Variants in KCNIP4 observed in about 807,000 individuals in gnomAD.
KCNIP4 encodes the protein Kv channel-interacting protein 4.
Under a neutral mutation model 34.0 loss-of-function variants are expected in KCNIP4, and 12 were observed. That is an observed-to-expected ratio of 0.35 (90% CI 0.23 to 0.57). The LOEUF (loss-of-function observed/expected upper bound fraction) is 0.57, where lower values mean the gene tolerates loss of function less well. KCNIP4 is among the 20% of genes least tolerant of loss of function. The pLI is 0.83. For synonymous variants in KCNIP4, 124 were observed against 102.2 expected, an observed-to-expected ratio of 1.21 and a Z score of -1.29; for missense variants, 238 against 311.7, an observed-to-expected ratio of 0.76 and a Z score of 1.78.
chr4:21,293,283 G>T (rs527989299), intron 1 of KCNIP4, among the ~76,000 whole-genome samples: 1 of 152,170 alleles, frequency 6.6e-6, no homozygotes, highest in Non-Finnish European at 1.5e-5. Context: ...GAAGCTCAAA[G>T]GAGTCAAGTA....
intron 1 of KCNIP4, among the ~76,000 whole-genome samples, chr4:21,896,030 A>G (rs56695493): frequency 0.31 from 47,792 of 152,054 alleles, 7,881 homozygotes; most frequent in African/African-American, 0.42. Context: ...CAACTCCATC[A>G]CTAACCCAGG....
chr4:20,778,397 C>G (rs1756566419), intron 3 of KCNIP4, among the ~76,000 whole-genome samples: 2 of 152,126 alleles, frequency 1.3e-5, no homozygotes, highest in Admixed American at 6.6e-5. Flanking sequence ...GAATTTAAAT[C>G]AAGCAATTCA....
At chr4:20,738,802 C>G (rs971341960) in intron 5 of KCNIP4, among the ~76,000 whole-genome samples, 1 of 152,096 alleles carries the variant, frequency 6.6e-6, no homozygotes, top group South Asian at 2.1e-4. Flanking sequence ...TCGCCTCACC[C>G]AGGAAGCGCA....
At chr4:21,209,102 C>A (rs188865012) in intron 1 of KCNIP4, among the ~76,000 whole-genome samples, 1,927 of 152,172 alleles carry the variant, frequency 0.013, 23 homozygotes, top group South Asian at 0.026. Flanking sequence ...AAAACCATAT[C>A]ATCTTTACTA....
chr4:21,656,116 T>C (rs1274741288), intron 1 of KCNIP4, among the ~76,000 whole-genome samples: 1 of 152,218 alleles, frequency 6.6e-6, no homozygotes, highest in Admixed American at 6.5e-5. Flanking sequence ...GGTTAATTTC[T>C]TCTGAGAGTA....
At chr4:21,457,468 C>T (rs890867724) in intron 1 of KCNIP4, among the ~76,000 whole-genome samples, 2 of 152,072 alleles carry the variant, frequency 1.3e-5, no homozygotes, top group African/African-American at 4.8e-5. Context: ...ATCATTCACT[C>T]TCTCAATTCC....
intron 3 of KCNIP4, among the ~76,000 whole-genome samples, chr4:20,838,328 A>G (rs770545407): frequency 5.3e-5 from 8 of 152,218 alleles, no homozygotes; most frequent in Non-Finnish European, 2.9e-5. Flanking sequence ...GACTAAAACA[A>G]AAAAATGTCT....
intron 1 of KCNIP4, among the ~76,000 whole-genome samples, chr4:21,064,724 G>A (rs1744205837): frequency 6.6e-6 from 1 of 152,082 alleles, no homozygotes. Context: ...CAAGGGCCAG[G>A]GATTGGGCTA....
chr4:21,066,784 G>C (rs906104210), intron 1 of KCNIP4, among the ~76,000 whole-genome samples: 7 of 152,120 alleles, frequency 4.6e-5, no homozygotes, highest in Non-Finnish European at 1.0e-4. Flanking sequence ...AAGGACTCTG[G>C]GGTCCTACAT....
At chr4:20,867,439 C>G (rs1577282338) in intron 2 of KCNIP4, among the ~76,000 whole-genome samples, 1 of 151,984 alleles carries the variant, frequency 6.6e-6, no homozygotes, top group Admixed American at 6.6e-5. Context: ...ACTCCCTATT[C>G]AATAAATGGA....
intron 3 of KCNIP4, among the ~76,000 whole-genome samples, chr4:20,807,003 G>T (rs1715184101): frequency 6.6e-6 from 1 of 152,036 alleles, no homozygotes; most frequent in Admixed American, 6.6e-5. Flanking sequence ...CCTTCATAAG[G>T]TGAATATAGA....
chr4:21,372,065 G>T (rs1399236769), intron 1 of KCNIP4, among the ~76,000 whole-genome samples: 7 of 147,164 alleles, frequency 4.8e-5, no homozygotes, highest in Non-Finnish European at 8.8e-5. Flanking sequence ...TGCTTCAGAA[G>T]AATGTTTGAT....
intron 1 of KCNIP4, among the ~76,000 whole-genome samples, chr4:21,756,908 C>T (rs754673219): frequency 6.6e-6 from 1 of 151,690 alleles, no homozygotes; most frequent in Non-Finnish European, 1.5e-5. Context: ...ACCAGCCTGG[C>T]CATGATGTGA....
At chr4:21,028,295 A>G (rs1740721568) in intron 1 of KCNIP4, among the ~76,000 whole-genome samples, 1 of 152,174 alleles carries the variant, frequency 6.6e-6, no homozygotes, top group Admixed American at 6.5e-5. Flanking sequence ...TTTTCAAAGA[A>G]GTAGAGTGAA....
chr4:21,850,543 G>T (rs922087597), intron 1 of KCNIP4: 1 of 151,996 alleles, frequency 6.6e-6, no homozygotes, highest in Non-Finnish European at 1.5e-5. Flanking sequence ...GTCCCTACCA[G>T]CAAGAAGTCC....
intron 1 of KCNIP4, among the ~76,000 whole-genome samples, chr4:21,892,427 T>G: frequency 6.6e-6 from 1 of 151,846 alleles, no homozygotes; most frequent in African/African-American, 2.4e-5. Context: ...GGGAAGTTTT[T>G]GTGGTGCTCA....
chr4:21,939,312 C>A (rs1730063309), intron 1 of KCNIP4, among the ~76,000 whole-genome samples: 1 of 152,012 alleles, frequency 6.6e-6, no homozygotes, highest in Non-Finnish European at 1.5e-5. Flanking sequence ...GTAGCGGAGA[C>A]TCCTGTACTT....
At chr4:20,917,092 C>T (rs1347520027) in intron 1 of KCNIP4, among the ~76,000 whole-genome samples, 2 of 142,748 alleles carry the variant, frequency 1.4e-5, no homozygotes, top group Middle Eastern at 3.4e-3. Flanking sequence ...GGCTGGAGTG[C>T]GGTGGCACAA....
intron 1 of KCNIP4, among the ~76,000 whole-genome samples, chr4:21,124,413 T>C (rs1750436179): frequency 6.6e-6 from 1 of 152,204 alleles, no homozygotes; most frequent in Admixed American, 6.5e-5. Context: ...ATCTGTGATC[T>C]TGAGAAATTT....
Sources: allele counts gnomAD v4.1 joint callset (sites outside exome capture counted in the v4.1 genomes callset), GRCh38; gene constraint gnomAD v4.1.1; transcripts MANE v1.5; gene names NCBI Gene and HGNC (gene_info 2026-07-23, HGNC 2026-07-21).